The following CLSTN2 variants were observed in gnomAD, a reference collection of about 807,000 sequenced individuals.
CLSTN2 encodes calsyntenin-2.
In CLSTN2, 48 loss-of-function variants were observed where a neutral mutation model predicts 101.2. The observed-to-expected ratio is 0.47, with a 90% CI of 0.38 to 0.60. CLSTN2 has a LOEUF of 0.60. CLSTN2 is among the 20% of genes least tolerant of loss of function. The pLI is 0.00. For missense variants in CLSTN2, 1,160 were observed against 1,238.2 expected (o/e 0.94, Z 0.95); for synonymous variants, 481 against 463.6 (o/e 1.04, Z -0.48).
chr3:140,260,397 T>A (rs998563762), intron 2 of CLSTN2, among the ~76,000 whole-genome samples: 3 of 151,824 alleles, frequency 2.0e-5, no homozygotes, highest in Non-Finnish European at 4.4e-5. Flanking sequence ...TTTCTATTTT[T>A]AGTTTCCTAA....
intron 2 of CLSTN2, among the ~76,000 whole-genome samples, chr3:140,254,236 C>A (rs908371756): frequency 4.6e-5 from 7 of 151,990 alleles, no homozygotes; most frequent in African/African-American, 1.7e-4. Context: ...TTGCTTCCTG[C>A]AAGAAGAAAA....
At chr3:140,000,368 A>G (rs540394966) in intron 1 of CLSTN2, among the ~76,000 whole-genome samples, 1 of 152,346 alleles carries the variant, frequency 6.6e-6, no homozygotes, top group Non-Finnish European at 1.5e-5. Context: ...GTTAATATAC[A>G]TGTGAAATGT....
At chr3:140,067,363 TTCACAGCTTTCATCTGTTTC>T (rs147828145) in intron 1 of CLSTN2, among the ~76,000 whole-genome samples, 19,559 of 152,208 alleles carry the variant, frequency 0.13, 1,277 homozygotes, top group East Asian at 0.16. Context: ...GATGGGGTGA[TTCACAGCTTTCATCTGTTTC>T]CCACAGATGA....
intron 5 of CLSTN2, among the ~76,000 whole-genome samples, chr3:140,436,882 G>C (rs1448863956): frequency 1.3e-5 from 2 of 152,126 alleles, no homozygotes; most frequent in African/African-American, 4.8e-5. Flanking sequence ...TAGTAACAAG[G>C]CTCTGCTGGT....
intron 1 of CLSTN2, among the ~76,000 whole-genome samples, chr3:140,143,194 G>A (rs1046269905): frequency 2.0e-5 from 3 of 152,176 alleles, no homozygotes; most frequent in African/African-American, 7.2e-5. Flanking sequence ...TCATGTATCT[G>A]AGTATAAGTA....
intron 2 of CLSTN2, among the ~76,000 whole-genome samples, chr3:140,181,977 T>C (rs2010414996): frequency 1.3e-5 from 2 of 152,208 alleles, no homozygotes; most frequent in African/African-American, 2.4e-5. Context: ...TACACAGATA[T>C]AGCATTAAAG....
At chr3:140,067,257 T>C (rs2008315414) in intron 1 of CLSTN2, among the ~76,000 whole-genome samples, 1 of 152,174 alleles carries the variant, frequency 6.6e-6, no homozygotes, top group Admixed American at 6.5e-5. Context: ...GAACAGCATT[T>C]GGTTTCTTAC....
chr3:140,513,924 G>T (rs1019130133), intron 8 of CLSTN2, among the ~76,000 whole-genome samples: 5 of 151,966 alleles, frequency 3.3e-5, no homozygotes, highest in African/African-American at 1.2e-4. Flanking sequence ...TTGCATTTCT[G>T]TGGGGTCAGT....
chr3:140,501,165 T>C (rs1306631033), intron 8 of CLSTN2, among the ~76,000 whole-genome samples: 2 of 152,206 alleles, frequency 1.3e-5, no homozygotes, highest in African/African-American at 2.4e-5. Context: ...CTTGCTCTTG[T>C]TCTCTTTCTC....
chr3:140,010,869 T>C (rs2007058714), intron 1 of CLSTN2, among the ~76,000 whole-genome samples: 1 of 152,208 alleles, frequency 6.6e-6, no homozygotes, highest in Admixed American at 6.5e-5. Context: ...CTTTGTCAAT[T>C]ATAAAACAAC....
Position 140,251,994 on chromosome 3 carries a change from TAAC to T in CLSTN2, c.232+75924_232+75926del, listed in dbSNP as rs201056357. On this transcript the variant is annotated intron_variant, in intron 2 of 16. Transcript: ENST00000458420. ...CAGTGGGGAGACAGGGCCTAGGGTA[TAAC>T]AAGCCATAAATGCCATATTAAGAAG... is the stretch of plus-strand genomic sequence containing the variant. Among the ~76,000 whole-genome samples the T allele has an allele frequency of 3.1e-4, 47 of 152,242 alleles. 1 individual carries two copies. The East Asian group carries it at 8.9e-3, about 29-fold the overall frequency.
intron 1 of CLSTN2, among the ~76,000 whole-genome samples, chr3:140,139,230 C>T (rs2009660291): frequency 1.3e-5 from 2 of 152,188 alleles, no homozygotes; most frequent in South Asian, 4.1e-4. Context: ...CAGCTCAGTT[C>T]CTGGCCTCCT....
At chr3:140,356,807 A>G (rs1248459117) in intron 2 of CLSTN2, among the ~76,000 whole-genome samples, 1 of 151,908 alleles carries the variant, frequency 6.6e-6, no homozygotes, top group Non-Finnish European at 1.5e-5. Flanking sequence ...CAGAACATAC[A>G]GTTCTAAATT....
In CLSTN2 at chr3:139,941,309, G is replaced by T. The variant is rs566242403; in HGVS notation, c.109+5826G>T. On this transcript the variant is annotated intron_variant, in intron 1 of 16. Coordinates refer to ENST00000458420, the MANE Select transcript of CLSTN2 (RefSeq NM_022131.3). Reference sequence around the variant, plus strand: ...CTGAGATTTGGGAAAGAAACAAGCAGTAGGCCAGAGGGAGTATTGGTCAGA... The same window carrying T: ...CTGAGATTTGGGAAAGAAACAAGCATTAGGCCAGAGGGAGTATTGGTCAGA... 2.6e-5 allele frequency among the ~76,000 whole-genome samples: 4 copies of T among 152,198 alleles called. No individual in the cohort carries two copies. The South Asian group carries it at 8.3e-4, about 32-fold the overall frequency.
chr3:139,976,524 G>A (rs1191718713), intron 1 of CLSTN2, among the ~76,000 whole-genome samples: 1 of 152,192 alleles, frequency 6.6e-6, no homozygotes, highest in African/African-American at 2.4e-5. Context: ...CTTGCCCCAA[G>A]CCACTCAGCT....
At chr3:140,484,070 C>T (rs1934186123) in intron 8 of CLSTN2, among the ~76,000 whole-genome samples, 1 of 152,192 alleles carries the variant, frequency 6.6e-6, no homozygotes, top group Admixed American at 6.5e-5. Flanking sequence ...ATGGTCTTTA[C>T]AATTTGGCAT....
intron 4 of CLSTN2, among the ~76,000 whole-genome samples, chr3:140,418,513 CTTTCT>C (rs2088456263): frequency 2.4e-5 from 1 of 42,102 alleles, no homozygotes; most frequent in African/African-American, 4.8e-4. Context: ...TTCTTTCTTT[CTTTCT>C]TTTTTTTTTT....
chr3:140,448,481 C>CAA lies in CLSTN2; in HGVS notation c.788-37_788-36insAA, dbSNP rs1376576716. On this transcript the variant is annotated intron_variant, in intron 5 of 16. Coordinates refer to ENST00000458420, the MANE Select transcript of CLSTN2 (RefSeq NM_022131.3). ...AGAAATGTTCCAGCAGAACTGACTG[C>CAA]ACCTGATTCACTTTTCATCCTTTCC... The CAA allele has an allele frequency of 1.9e-6, 3 of 1,543,558 alleles. No individual in the cohort carries two copies. The African/African-American group carries it at 4.1e-5, about 21-fold the overall frequency.
intron 5 of CLSTN2, among the ~76,000 whole-genome samples, chr3:140,430,542 C>T (rs2088616778): frequency 6.6e-6 from 1 of 152,200 alleles, no homozygotes; most frequent in Non-Finnish European, 1.5e-5. Context: ...CCTACAGCAG[C>T]AGAGCCGAGT....
Sources: gnomAD v4.1 joint callset for allele counts (sites outside exome capture counted in the v4.1 genomes callset) on GRCh38, gnomAD v4.1.1 for gene constraint, MANE v1.5 for transcripts, NCBI Gene and HGNC (gene_info 2026-07-23, HGNC 2026-07-21) for gene names.